The following SLC25A26 variants were observed in gnomAD, a reference collection of about 807,000 sequenced individuals.
SLC25A26 encodes mitochondrial S-adenosylmethionine carrier protein.
In SLC25A26, 36 loss-of-function variants were observed where a neutral mutation model predicts 37.8. That is an observed-to-expected ratio of 0.95 (90% CI 0.73 to 1.26). SLC25A26 has a LOEUF of 1.26. SLC25A26 is among the 50% of genes most tolerant of loss of function. The pLI is 0.00. For synonymous variants in SLC25A26, 129 were observed against 122.5 expected, an observed-to-expected ratio of 1.05 and a Z score of -0.35; for missense variants, 390 against 331.1, an observed-to-expected ratio of 1.18 and a Z score of -1.38.
chr3:66,376,872 A>G (rs1575630740), intron 9 of SLC25A26, among the ~76,000 whole-genome samples: 1 of 152,206 alleles, frequency 6.6e-6, no homozygotes, highest in African/African-American at 2.4e-5. Flanking sequence ...TAGATATGGA[A>G]TCATAGTCCT....
chr3:66,161,489 G>C (rs1294254634), intron 1 of SLC25A26, among the ~76,000 whole-genome samples: 2 of 152,134 alleles, frequency 1.3e-5, no homozygotes, highest in African/African-American at 2.4e-5. Context: ...CACTAGAAAT[G>C]TTTCTCTGAC....
At chr3:66,355,582 G>T (rs559371536) in intron 6 of SLC25A26, among the ~76,000 whole-genome samples, 21 of 152,330 alleles carry the variant, frequency 1.4e-4, no homozygotes, top group African/African-American at 5.1e-4. Flanking sequence ...GTGGTTCCCA[G>T]TTATGTTTGA....
chr3:66,225,566 C>T (rs1381810418), intron 1 of SLC25A26, among the ~76,000 whole-genome samples: 3 of 152,190 alleles, frequency 2.0e-5, no homozygotes, highest in Non-Finnish European at 4.4e-5. Flanking sequence ...GCCCTGAAGA[C>T]ATTTTCCCCA....
chr3:66,290,709 G>A (rs1281740954), intron 5 of SLC25A26, among the ~76,000 whole-genome samples: 4 of 152,088 alleles, frequency 2.6e-5, no homozygotes, highest in African/African-American at 4.8e-5. Flanking sequence ...TGCTGGATTC[G>A]GTTTGCCAGT....
intron 1 of SLC25A26, among the ~76,000 whole-genome samples, chr3:66,146,999 A>G (rs538308145): frequency 1.3e-5 from 2 of 150,126 alleles, no homozygotes; most frequent in African/African-American, 4.9e-5. Context: ...TGCAAATGAC[A>G]TTGTTTCATT....
At chr3:66,225,716 C>T (rs2071714138) in intron 1 of SLC25A26, among the ~76,000 whole-genome samples, 1 of 152,160 alleles carries the variant, frequency 6.6e-6, no homozygotes, top group Non-Finnish European at 1.5e-5. Flanking sequence ...TGCTTTGTCA[C>T]CTCTAGGATG....
chr3:66,346,996 T>TG (rs2076341347), intron 6 of SLC25A26, among the ~76,000 whole-genome samples: 1 of 151,892 alleles, frequency 6.6e-6, no homozygotes, highest in Non-Finnish European at 1.5e-5. Context: ...CAGACAACCT[T>TG]GGGGAAGGTC....
chr3:66,314,060 C>A (rs561435083), intron 5 of SLC25A26, among the ~76,000 whole-genome samples: 7 of 152,270 alleles, frequency 4.6e-5, no homozygotes, highest in South Asian at 4.2e-4. Context: ...ATCATGTCAT[C>A]TGCAAACAGA....
At chr3:66,141,853 A>G (rs912150993) in intron 1 of SLC25A26, among the ~76,000 whole-genome samples, 1 of 152,210 alleles carries the variant, frequency 6.6e-6, no homozygotes, top group Non-Finnish European at 1.5e-5. Flanking sequence ...AAAGCTGTGG[A>G]TGGAAGTTGT....
intron 9 of SLC25A26, among the ~76,000 whole-genome samples, chr3:66,376,298 C>T (rs1211124321): frequency 6.6e-6 from 1 of 152,126 alleles, no homozygotes; most frequent in Admixed American, 6.5e-5. Flanking sequence ...AGAGTTGAGA[C>T]GGTTGACTCC....
chr3:66,209,907 T>C (rs1168471883), intron 1 of SLC25A26, among the ~76,000 whole-genome samples: 3 of 21,690 alleles, frequency 1.4e-4, no homozygotes, highest in Non-Finnish European at 2.6e-4. Flanking sequence ...TTTATATATA[T>C]ATATATATAT....
intron 1 of SLC25A26, among the ~76,000 whole-genome samples, chr3:66,175,046 G>T (rs1395757856): frequency 6.8e-6 from 1 of 146,336 alleles, no homozygotes; most frequent in Non-Finnish European, 1.5e-5. Flanking sequence ...ATTAGGGATT[G>T]GTCAGGATTC....
intron 5 of SLC25A26, among the ~76,000 whole-genome samples, chr3:66,332,518 T>A (rs185675281): frequency 6.6e-6 from 1 of 152,316 alleles, no homozygotes; most frequent in African/African-American, 2.4e-5. Flanking sequence ...GAGATGTGCC[T>A]TACAATTGAT....
intron 1 of SLC25A26, among the ~76,000 whole-genome samples, chr3:66,164,792 GCTTT>G (rs2070403780): frequency 6.6e-6 from 1 of 152,120 alleles, no homozygotes; most frequent in Non-Finnish European, 1.5e-5. Flanking sequence ...TGGAGAAAGG[GCTTT>G]CTAACACCTG....
Position 66,301,982 on chromosome 3 carries a change from CT to C in SLC25A26, c.453+38605del, listed in dbSNP as rs1559675674. Among the ~76,000 whole-genome samples the C allele has an allele frequency of 3.3e-5, 5 of 152,280 alleles. No individual in the cohort carries two copies. The South Asian group carries it at 1.0e-3, about 32-fold the overall frequency. ...TACATGTGTTCCTGCATATGAAGTGCTTAGGACAGTGCCTGAAATACAGTCC... is the reference window on the plus strand; with the variant it reads ...TACATGTGTTCCTGCATATGAAGTGCTAGGACAGTGCCTGAAATACAGTCC... On this transcript the variant is annotated intron_variant, in intron 5 of 9. Transcript: ENST00000354883.
At chr3:66,339,262 A>T (rs1442598846) in intron 5 of SLC25A26, among the ~76,000 whole-genome samples, 1 of 152,054 alleles carries the variant, frequency 6.6e-6, no homozygotes, top group Non-Finnish European at 1.5e-5. Context: ...ACATTTTAAA[A>T]ATCAAGCTTT....
At chr3:66,333,638 G>A (rs142946260) in intron 5 of SLC25A26, among the ~76,000 whole-genome samples, 38 of 152,030 alleles carry the variant, frequency 2.5e-4, no homozygotes, top group African/African-American at 8.7e-4. Flanking sequence ...GTGTTTTCTT[G>A]GTCAGCTTAT....
At chr3:66,375,536 T>C (rs1389087438) in intron 9 of SLC25A26, among the ~76,000 whole-genome samples, 2 of 152,206 alleles carry the variant, frequency 1.3e-5, no homozygotes, top group African/African-American at 4.8e-5. Flanking sequence ...CCAATGCTCA[T>C]TGACTCTTCT....
At chr3:66,187,464 A>T (rs1311010841) in intron 1 of SLC25A26, among the ~76,000 whole-genome samples, 4 of 151,972 alleles carry the variant, frequency 2.6e-5, no homozygotes, top group Admixed American at 2.6e-4. Context: ...ACATCTTGAA[A>T]CTTACCCTTA....
Sources: gnomAD v4.1 joint callset for allele counts (sites outside exome capture counted in the v4.1 genomes callset) on GRCh38, gnomAD v4.1.1 for gene constraint, MANE v1.5 for transcripts, NCBI Gene and HGNC (gene_info 2026-07-23, HGNC 2026-07-21) for gene names.